Variants in FAM13C observed in about 807,000 individuals in gnomAD.
The protein encoded by FAM13C is family with sequence similarity 13 member C, also known as protein FAM13C.
A neutral mutation model predicts 73.2 loss-of-function variants in FAM13C; 37 were observed. The ratio of observed to expected loss-of-function variants is 0.51; its 90% CI spans 0.39 to 0.67. The LOEUF is 0.67. FAM13C is among the 30% of genes least tolerant of loss of function. FAM13C has a pLI of 0.00. For synonymous variants in FAM13C, 246 were observed against 260.9 expected (o/e 0.94, Z 0.55); for missense variants, 589 against 715.6 (o/e 0.82, Z 2.02).
At chr10:59,265,098 A>G (rs886655088) in intron 8 of FAM13C, among the ~76,000 whole-genome samples, 2 of 152,016 alleles carry the variant, frequency 1.3e-5, no homozygotes, top group Non-Finnish European at 2.9e-5. Context: ...TTTAAAACTC[A>G]AAGGAAAAAA....
At chr10:59,295,925 C>T (rs555196089) in intron 5 of FAM13C, among the ~76,000 whole-genome samples, 52 of 152,274 alleles carry the variant, frequency 3.4e-4, no homozygotes, top group African/African-American at 1.2e-3. Flanking sequence ...ACATCCTGTT[C>T]TTATTAAAAC....
chr10:59,321,695 G>T lies in FAM13C; in HGVS notation c.443+2293C>A, dbSNP rs143897655. Among the ~76,000 whole-genome samples, 31 of 152,040 alleles carry T rather than the reference G, an allele frequency of 2.0e-4. 2 individuals are homozygous for T. In the East Asian group the frequency reaches 6.0e-3, roughly 29 times the overall value. ...AACATGAGGACTCTGAGAGCTGTAG[G>T]TATGAAATTATTTGGCATTCGTGAA... On this transcript the variant is annotated intron_variant, in intron 4 of 13. Coordinates refer to ENST00000618804, the MANE Select transcript of FAM13C (RefSeq NM_198215.4).
intron 4 of FAM13C, among the ~76,000 whole-genome samples, chr10:59,315,006 A>G (rs1026937307): frequency 1.3e-5 from 2 of 152,196 alleles, no homozygotes; most frequent in Admixed American, 6.5e-5. Context: ...AACAAAAATA[A>G]AAAATAAATC....
chr10:59,309,406 G>A (rs1042281459), intron 4 of FAM13C, among the ~76,000 whole-genome samples: 1 of 152,048 alleles, frequency 6.6e-6, no homozygotes, highest in Non-Finnish European at 1.5e-5. Context: ...TCAAAATTCC[G>A]AGAGTACTGT....
At chr10:59,260,532 G>A (rs1421763702) in intron 10 of FAM13C, among the ~76,000 whole-genome samples, 2 of 152,106 alleles carry the variant, frequency 1.3e-5, no homozygotes, top group Non-Finnish European at 2.9e-5. Context: ...TTCTTTAAAT[G>A]TCACCTCTTG....
At chr10:59,324,350 G>A (rs1413434974) in intron 3 of FAM13C, among the ~76,000 whole-genome samples, 1 of 151,964 alleles carries the variant, frequency 6.6e-6, no homozygotes, top group Non-Finnish European at 1.5e-5. Flanking sequence ...AAAAGATATG[G>A]TATAGCCATA....
At chr10:59,357,369 T>G (rs1422054976) in intron 1 of FAM13C, among the ~76,000 whole-genome samples, 1 of 152,242 alleles carries the variant, frequency 6.6e-6, no homozygotes, top group South Asian at 2.1e-4. Context: ...TCTTTTTGAT[T>G]AGTTATTAAT....
chr10:59,270,107 G>A lies in FAM13C; in HGVS notation c.595C>T (p.Pro199Ser). 1 of 1,612,320 alleles carries A rather than the reference G, an allele frequency of 6.2e-7. No homozygotes were observed. Among genetic ancestry groups the A allele is most frequent in the Non-Finnish European group, 8.5e-7 (1 of 1,179,488 alleles). Residue 199 changes from proline to serine, a missense_variant and splice_region_variant, in exon 7 of 14, where the codon CCC becomes TCC. Physicochemically the swap from Pro to Ser is moderately conservative, Grantham distance 74. Coordinates refer to ENST00000618804, the MANE Select transcript of FAM13C (RefSeq NM_198215.4). ...TGCCCATCTTTGTGGACTGGTGAGG[G>A]GTCTGGGCAAATGAGACAAATCATC... ...VLADGTDSAD[P>S]SPVHKDGQNE... is the part of the protein sequence containing the mutation.
intron 3 of FAM13C, among the ~76,000 whole-genome samples, chr10:59,332,756 C>T (rs144846126): frequency 2.0e-5 from 3 of 152,260 alleles, no homozygotes; most frequent in East Asian, 3.9e-4. Flanking sequence ...GAGTCAGCAC[C>T]TATGAATATG....
At chr10:59,249,887 C>T (rs1223762532) in intron 13 of FAM13C, among the ~76,000 whole-genome samples, 2 of 152,148 alleles carry the variant, frequency 1.3e-5, no homozygotes. Context: ...ACTAACTTCC[C>T]TGTATGTATG....
At chr10:59,310,482 C>A (rs182585922) in intron 4 of FAM13C, among the ~76,000 whole-genome samples, 50 of 152,156 alleles carry the variant, frequency 3.3e-4, no homozygotes, top group Non-Finnish European at 5.4e-4. Context: ...AGAGTCGAAG[C>A]CACATTGAAG....
intron 3 of FAM13C, among the ~76,000 whole-genome samples, chr10:59,344,445 ATTT>A (rs34409864): frequency 7.0e-6 from 1 of 143,526 alleles, no homozygotes; most frequent in Non-Finnish European, 1.5e-5. Flanking sequence ...CGCACGGCTG[ATTT>A]TTTTTTTTTA....
intron 3 of FAM13C, among the ~76,000 whole-genome samples, chr10:59,348,013 G>C (rs970212126): frequency 2.0e-5 from 3 of 152,020 alleles, no homozygotes; most frequent in Admixed American, 2.0e-4. Context: ...TTTACAGTAG[G>C]ATTATTTACA....
intron 3 of FAM13C, among the ~76,000 whole-genome samples, chr10:59,332,431 G>A: frequency 6.6e-6 from 1 of 152,114 alleles, no homozygotes; most frequent in East Asian, 1.9e-4. Context: ...AGAAGACCAA[G>A]AAAGAGAAAT....
At chr10:59,358,401 T>C (rs1243194569) in intron 1 of FAM13C, among the ~76,000 whole-genome samples, 1 of 152,162 alleles carries the variant, frequency 6.6e-6, no homozygotes, top group East Asian at 1.9e-4. Flanking sequence ...CTGCTTTGAC[T>C]AGAATAAACC....
intron 4 of FAM13C, among the ~76,000 whole-genome samples, chr10:59,315,977 T>C (rs1039687414): frequency 2.6e-5 from 4 of 152,220 alleles, no homozygotes; most frequent in Admixed American, 1.3e-4. Context: ...TCATCCAGGC[T>C]GCAGTGCAGT....
intron 4 of FAM13C, among the ~76,000 whole-genome samples, chr10:59,309,666 T>C (rs1394123115): frequency 1.3e-5 from 2 of 152,250 alleles, no homozygotes; most frequent in Non-Finnish European, 2.9e-5. Context: ...GTTCTCACTG[T>C]ATTCTGATCT....
intron 13 of FAM13C, among the ~76,000 whole-genome samples, chr10:59,250,212 C>T (rs1264203606): frequency 2.0e-5 from 3 of 151,828 alleles, no homozygotes; most frequent in African/African-American, 7.3e-5. Context: ...ACATATTTAC[C>T]CAAAGTATAA....
At chr10:59,360,946 T>A (rs1243285045) in intron 1 of FAM13C, 2 of 1,105,376 alleles carry the variant, frequency 1.8e-6, no homozygotes, top group Non-Finnish European at 2.4e-6. Context: ...TGACCGAGGA[T>A]TTGGCCACAC....
Sources: gnomAD v4.1 joint callset for allele counts (sites outside exome capture counted in the v4.1 genomes callset) on GRCh38, gnomAD v4.1.1 for gene constraint, MANE v1.5 for transcripts, NCBI Gene and HGNC (gene_info 2026-07-23, HGNC 2026-07-21) for gene names.